Variants in SHISAL2A observed in about 807,000 individuals in gnomAD.
SHISAL2A encodes protein shisa-like-2A.
A neutral mutation model predicts 11.5 loss-of-function variants in SHISAL2A; 18 were observed. The observed-to-expected ratio is 1.57, with a 90% CI of 1.08 to 2.33. SHISAL2A has a LOEUF of 2.33. Among genes scored for constraint, SHISAL2A ranks in the 30% most tolerant of loss-of-function variants. The probability of loss-of-function intolerance (pLI) is 0.00; values close to 1 mark genes in which losing one functional copy is unlikely to be tolerated. For missense variants in SHISAL2A, 261 were observed against 250.9 expected (o/e 1.04, Z -0.27); for synonymous variants, 94 against 99.6 (o/e 0.94, Z 0.34).
chr1:52,642,948 A>G lies in SHISAL2A; in HGVS notation c.268A>G (p.Ile90Val). 4 of 1,614,130 alleles carry G rather than the reference A, an allele frequency of 2.5e-6. No homozygotes were observed. Among genetic ancestry groups the G allele is most frequent in the Non-Finnish European group, 3.4e-6 (4 of 1,180,010 alleles). The change falls in exon 2 of 3, where the codon ATC becomes GTC. Residue 90 changes from isoleucine to valine, a missense_variant. By Grantham distance (29) the Ile-to-Val change is conservative (BLOSUM62 3). Coordinates refer to ENST00000517870, the MANE Select transcript of SHISAL2A (RefSeq NM_001042693.3). ...CGCCTGTGTGCTCTGCTACCTGTTC[A>G]TCAGCTCTAAGCCCCACACAAAGTT... ...VTACVLCYLFISSKPHTKLDL... is the reference protein window; with the variant it reads ...VTACVLCYLFVSSKPHTKLDL...
At chr1:52,634,807 G>GTCTC (rs573736803) in intron 1 of SHISAL2A, among the ~76,000 whole-genome samples, 120 of 152,274 alleles carry the variant, frequency 7.9e-4, no homozygotes, top group African/African-American at 2.7e-3. Context: ...AACTTCTCAA[G>GTCTC]TCTCTGGCTT....
chr1:52,664,422 C>G (rs544655331), intron 4 of SHISAL2A, among the ~76,000 whole-genome samples: 3 of 151,712 alleles, frequency 2.0e-5, no homozygotes, highest in African/African-American at 7.3e-5. Context: ...GTGGCGCAAT[C>G]TTGGCTCACC....
At chr1:52,646,911 C>T (rs1691514088) in intron 2 of SHISAL2A, among the ~76,000 whole-genome samples, 2 of 152,184 alleles carry the variant, frequency 1.3e-5, no homozygotes, top group Non-Finnish European at 2.9e-5. Flanking sequence ...CTCACTGCCA[C>T]TTCCGTCTCC....
In SHISAL2A at chr1:52,642,908, C is replaced by T. The variant is rs565557366; in HGVS notation, c.228C>T (p.Leu76=). The change falls in exon 2 of 3, where the codon CTC becomes CTT. Residue 76 remains leucine, a synonymous_variant. Transcript: ENST00000517870. ...TGTCCGTAGCAGCAGTGGTTCTTCT[C>T]GCCTTCATTGTTACCGCCTGTGTGC... ...IGLSVAAVVL[L]AFIVTACVLC... 54 of 1,613,822 alleles carry T rather than the reference C, an allele frequency of 3.3e-5. No individual in the cohort carries two copies. The highest frequency in any genetic ancestry group is 4.2e-5 in the Non-Finnish European group (49 of 1,180,006).
intron 2 of SHISAL2A, among the ~76,000 whole-genome samples, chr1:52,648,043 T>C (rs1186020095): frequency 7.7e-6 from 1 of 130,456 alleles, no homozygotes; most frequent in Non-Finnish European, 1.6e-5. Flanking sequence ...AATATCTATT[T>C]AAATAATATA....
At chr1:52,658,044 CTTT>C (rs10714496), downstream of SHISAL2A, among the ~76,000 whole-genome samples, 1 of 147,796 alleles carries the variant, frequency 6.8e-6, no homozygotes. Context: ...TACTAGAAGA[CTTT>C]TTTTTTTTTT....
chr1:52,648,893 G>C (rs904101763), intron 2 of SHISAL2A, among the ~76,000 whole-genome samples: 1 of 150,902 alleles, frequency 6.6e-6, no homozygotes, highest in African/African-American at 2.4e-5. Context: ...TTCATCCCTC[G>C]GCCCTGTGAA....
In SHISAL2A at chr1:52,633,808, C is replaced by T. The variant is rs1691184464; in HGVS notation, c.182+133C>T. The T allele has an allele frequency of 1.5e-6, 1 of 662,456 alleles. No individual in the cohort carries two copies. Among genetic ancestry groups the T allele is most frequent in the Non-Finnish European group, 2.6e-6 (1 of 390,492 alleles). 41.0% of individuals were successfully genotyped at this position (662,456 alleles called of 1,614,324 possible). ...CTAGTCCTTACCGTCCTCATGCCCA[C>T]AGCATCAACCACCCCGTGAAACCCC... On this transcript the variant is annotated intron_variant, in intron 1 of 2. Coordinates refer to ENST00000517870, the MANE Select transcript of SHISAL2A (RefSeq NM_001042693.3). The surrounding 1 kb of genome is among the most constrained non-coding windows in gnomAD (Gnocchi z 6.4).
chr1:52,663,621 C>T (rs1041131176), intron 4 of SHISAL2A, among the ~76,000 whole-genome samples: 5 of 152,104 alleles, frequency 3.3e-5, no homozygotes, highest in Non-Finnish European at 7.3e-5. Flanking sequence ...ATTAGCCGGG[C>T]GTGGTGGCGC....
At chr1:52,649,047 CT>C (rs1691567094) in intron 2 of SHISAL2A, among the ~76,000 whole-genome samples, 1 of 152,140 alleles carries the variant, frequency 6.6e-6, no homozygotes, top group Non-Finnish European at 1.5e-5. Flanking sequence ...TAAATAACAG[CT>C]TTAGGCTCTC....
At chr1:52,641,919 A>G (rs1007830075) in intron 1 of SHISAL2A, among the ~76,000 whole-genome samples, 1 of 152,080 alleles carries the variant, frequency 6.6e-6, no homozygotes, top group African/African-American at 2.4e-5. Context: ...CCTGGGCAAC[A>G]TGGCAAAACC....
At chr1:52,653,494 A>G (rs959516965) in intron 2 of SHISAL2A, among the ~76,000 whole-genome samples, 6 of 151,874 alleles carry the variant, frequency 4.0e-5, no homozygotes, top group East Asian at 3.9e-4. Context: ...TTAGCCGGGC[A>G]TGATGGCATG....
chr1:52,659,787 T>C (rs1691869282), downstream of SHISAL2A, among the ~76,000 whole-genome samples: 1 of 152,218 alleles, frequency 6.6e-6, no homozygotes, highest in South Asian at 2.1e-4. Flanking sequence ...TTCTCTGTCC[T>C]TGGTATCCTC....
intron 1 of SHISAL2A, among the ~76,000 whole-genome samples, chr1:52,642,405 C>T (rs1325729655): frequency 6.7e-6 from 1 of 150,270 alleles, no homozygotes; most frequent in Non-Finnish European, 1.5e-5. Context: ...AAAGTCAAAG[C>T]TGATTCCTAC....
intron 2 of SHISAL2A, among the ~76,000 whole-genome samples, chr1:52,656,497 A>C (rs915311359): frequency 2.0e-5 from 3 of 152,214 alleles, no homozygotes; most frequent in African/African-American, 7.2e-5. Context: ...CATCTATAAA[A>C]TGGATTTCTA....
Position 52,657,018 on chromosome 1 carries a change from A to G in SHISAL2A, c.551A>G (p.Asp184Gly), listed in dbSNP as rs747417229. ...SPEEASVPNPDLCGPVP is the reference protein window; with the variant it reads ...SPEEASVPNPGLCGPVP ...GAGGAAGCCTCTGTACCCAACCCTG[A>G]CCTATGTGGACCAGTCCCATAAACA... is the stretch of plus-strand genomic sequence containing the variant. Residue 184 changes from aspartate (D) to glycine (G), a missense_variant, in exon 3 of 3, where the codon GAC becomes GGC. Transcript: ENST00000517870. The G allele has an allele frequency of 6.2e-7, 1 of 1,607,846 alleles. No individual in the cohort carries two copies. The highest frequency in any genetic ancestry group is 1.3e-5 in the African/African-American group (1 of 74,720).
At chr1:52,646,492 TACACACACACACACAC>T (rs35929137) in intron 2 of SHISAL2A, among the ~76,000 whole-genome samples, 3 of 145,252 alleles carry the variant, frequency 2.1e-5, no homozygotes, top group Non-Finnish European at 3.0e-5. Context: ...TAAATATCTA[TACACACACACACACAC>T]ACACACACAC....
chr1:52,647,843 C>CA (rs1231578728), intron 2 of SHISAL2A, among the ~76,000 whole-genome samples: 60 of 99,186 alleles, frequency 6.0e-4, no homozygotes, highest in Admixed American at 1.1e-3. Flanking sequence ...GACCCTGTCT[C>CA]AAAAAAAAAA....
chr1:52,657,669 A>G (rs1195946118), downstream of SHISAL2A, among the ~76,000 whole-genome samples: 2 of 152,226 alleles, frequency 1.3e-5, no homozygotes, highest in Non-Finnish European at 2.9e-5. Context: ...AGCTTGGGCA[A>G]CACAGTGAGA....
Sources: gnomAD v4.1 joint callset for allele counts (sites outside exome capture counted in the v4.1 genomes callset) on GRCh38, gnomAD v4.1.1 for gene constraint, Gnocchi (gnomAD v3.1) non-coding constraint, MANE v1.5 for transcripts, NCBI Gene and HGNC (gene_info 2026-07-23, HGNC 2026-07-21) for gene names.